Variants in GLT1D1 observed in about 807,000 individuals in gnomAD.
GLT1D1 encodes glycosyltransferase 1 domain-containing protein 1.
A neutral mutation model predicts 28.7 loss-of-function variants in GLT1D1; 21 were observed. The observed-to-expected ratio is 0.73, with a 90% CI of 0.52 to 1.05. GLT1D1 has a LOEUF of 1.05. Ranked by LOEUF, GLT1D1 falls within the 50% of genes least tolerant of loss-of-function variation. The pLI is 0.00. For synonymous variants in GLT1D1, 147 were observed against 124.8 expected (o/e 1.18, Z -1.19); for missense variants, 343 against 330.6 (o/e 1.04, Z -0.29).
chr12:128,922,687 A>T (rs907910372), intron 4 of GLT1D1, among the ~76,000 whole-genome samples: 1 of 152,096 alleles, frequency 6.6e-6, no homozygotes, highest in African/African-American at 2.4e-5. Flanking sequence ...TTTTGGGAGG[A>T]TGAAGCCAGT....
chr12:128,857,527 C>G (rs1956251627), intron 1 of GLT1D1, among the ~76,000 whole-genome samples: 1 of 152,120 alleles, frequency 6.6e-6, no homozygotes, highest in Non-Finnish European at 1.5e-5. Context: ...AAAGCTTAGT[C>G]TCCTTGAGGA....
intron 6 of GLT1D1, among the ~76,000 whole-genome samples, chr12:128,948,815 TGAC>T (rs1876394080): frequency 6.6e-6 from 1 of 152,200 alleles, no homozygotes; most frequent in Non-Finnish European, 1.5e-5. Context: ...AAGAAATGAC[TGAC>T]GTTGTATGCA....
At chr12:128,886,994 A>G (rs904271289) in intron 2 of GLT1D1, among the ~76,000 whole-genome samples, 1 of 151,616 alleles carries the variant, frequency 6.6e-6, no homozygotes, top group African/African-American at 2.4e-5. Flanking sequence ...AGTGAAAAGT[A>G]AGTCTCACTC....
At chr12:128,892,778 T>C (rs1248237173) in intron 3 of GLT1D1, among the ~76,000 whole-genome samples, 3 of 152,056 alleles carry the variant, frequency 2.0e-5, no homozygotes, top group Non-Finnish European at 4.4e-5. Flanking sequence ...GTATTTAAAT[T>C]TTTTTTCTAT....
chr12:128,863,275 C>T (rs888897741), intron 1 of GLT1D1, among the ~76,000 whole-genome samples: 1 of 152,234 alleles, frequency 6.6e-6, no homozygotes, highest in Admixed American at 6.5e-5. Context: ...GATTCATCTT[C>T]GCCCCTCTGT....
Position 128,865,396 on chromosome 12 carries a change from A to G in GLT1D1, c.69-10518A>G, listed in dbSNP as rs549603789. On this transcript the variant is annotated intron_variant, in intron 1 of 7. Coordinates refer to ENST00000281703, the MANE Select transcript of GLT1D1 (RefSeq NM_144669.3). Reference sequence around the variant, plus strand: ...ATGTGATGTTTTGGACTATGAATACATTGTGGAATGATTATATCACGGTAA... The same window carrying G: ...ATGTGATGTTTTGGACTATGAATACGTTGTGGAATGATTATATCACGGTAA... 6.6e-4 allele frequency among the ~76,000 whole-genome samples: 101 copies of G among 152,330 alleles called. 1 individual carries two copies. The South Asian group carries it at 0.013, about 20-fold the overall frequency.
At chr12:128,980,880 C>T (rs558501548) in intron 7 of GLT1D1, among the ~76,000 whole-genome samples, 2 of 152,324 alleles carry the variant, frequency 1.3e-5, no homozygotes, top group East Asian at 1.9e-4. Context: ...AGTGTCATAT[C>T]GCAAAGAGAT....
At chr12:128,948,647 C>T (rs1047606650) in intron 6 of GLT1D1, among the ~76,000 whole-genome samples, 10 of 152,162 alleles carry the variant, frequency 6.6e-5, no homozygotes, top group African/African-American at 2.2e-4. Context: ...CTTAGGTTCA[C>T]GCTGTTACTT....
At chr12:128,867,865 T>C (rs1303000784) in intron 1 of GLT1D1, among the ~76,000 whole-genome samples, 1 of 152,148 alleles carries the variant, frequency 6.6e-6, no homozygotes, top group African/African-American at 2.4e-5. Context: ...GTCAATGGTC[T>C]GGAATTCCGA....
rs1235415302 is a variant in GLT1D1 at position 128,873,981 on chromosome 12, C to CTCCT, written c.69-1918_69-1915dup. Among the ~76,000 whole-genome samples the CTCCT allele has an allele frequency of 1.7e-3, 220 of 130,486 alleles. 4 individuals are homozygous for CTCCT. Among genetic ancestry groups the CTCCT allele is most frequent in the African/African-American group, 6.3e-3 (208 of 32,848 alleles). The allele number at this position is 130,486 out of a possible 152,430, so 85.6% of individuals were successfully genotyped here. A position where few individuals can be genotyped will look rare whatever the true frequency, so the allele number is the denominator to read the frequency against. On this transcript the variant is annotated intron_variant, in intron 1 of 7. Transcript: ENST00000281703. ...TGTTTCTGTCTTTTTCTTTTCTTTT[C>CTCCT]TCCTTCCTTCCTTCCTTCTTCCCTT...
chr12:128,982,939 A>G lies in GLT1D1; in HGVS notation c.650A>G (p.His217Arg), dbSNP rs1188367693. 1.2e-6 allele frequency: 2 copies of G among 1,614,098 alleles called. No homozygotes were observed. The highest frequency in any genetic ancestry group is 1.7e-5 in the Admixed American group (1 of 60,014). ...CTTCCTTTTTTGCAGGAGTTTGTTC[A>G]TCTGGCAAAGAGACTGGTTAGTGAT... is the stretch of plus-strand genomic sequence containing the variant. Residue 217 changes from histidine (H) to arginine (R), a missense_variant, in exon 8 of 8, where the codon CAT (histidine) becomes CGT (arginine). His to Arg is a conservative substitution (Grantham distance 29, BLOSUM62 0). Transcript: ENST00000281703.
intron 4 of GLT1D1, among the ~76,000 whole-genome samples, chr12:128,941,569 C>CTTTTTTTT (rs550204231): frequency 2.0e-4 from 22 of 107,548 alleles, no homozygotes; most frequent in African/African-American, 4.4e-4. Flanking sequence ...CTCTCTTTCT[C>CTTTTTTTT]TTTTTTTTTT....
rs936930408 is a variant in GLT1D1 at position 128,946,118 on chromosome 12, C to T, written c.419+749C>T. Among the ~76,000 whole-genome samples the T allele has an allele frequency of 7.9e-5, 12 of 152,052 alleles. No individual in the cohort carries two copies. In the East Asian group the frequency reaches 1.2e-3, roughly 15 times the overall value. ...TTTAGATTGCTCCTAGGTGCAGACG[C>T]GTGTGTGCAAAAGTATCACCTGCTC... On this transcript the variant is annotated intron_variant, in intron 5 of 7. Coordinates refer to ENST00000281703, the MANE Select transcript of GLT1D1 (RefSeq NM_144669.3).
At chr12:128,864,390 A>G (rs375815201) in intron 1 of GLT1D1, among the ~76,000 whole-genome samples, 30 of 152,022 alleles carry the variant, frequency 2.0e-4, no homozygotes, top group East Asian at 9.7e-4. Flanking sequence ...GAAGAAGAGG[A>G]ATTTCCCAAG....
intron 4 of GLT1D1, among the ~76,000 whole-genome samples, chr12:128,937,318 G>GA (rs1874665022): frequency 6.6e-6 from 1 of 152,090 alleles, no homozygotes; most frequent in South Asian, 2.1e-4. Flanking sequence ...GGGTCTGCTG[G>GA]AAATCATTCT....
intron 2 of GLT1D1, among the ~76,000 whole-genome samples, chr12:128,883,904 T>C (rs1318003169): frequency 1.3e-5 from 2 of 152,160 alleles, no homozygotes; most frequent in Admixed American, 1.3e-4. Context: ...ATACATGGCA[T>C]GACATAGAAG....
intron 3 of GLT1D1, among the ~76,000 whole-genome samples, chr12:128,894,236 A>C (rs1469219861): frequency 1.3e-5 from 2 of 152,048 alleles, no homozygotes; most frequent in Non-Finnish European, 2.9e-5. Flanking sequence ...TTTTCCCTTC[A>C]GTAGGGGACC....
At chr12:128,920,305 G>A (rs1388674536) in intron 4 of GLT1D1, among the ~76,000 whole-genome samples, 2 of 152,078 alleles carry the variant, frequency 1.3e-5, no homozygotes, top group African/African-American at 2.4e-5. Context: ...CCAGCACTTC[G>A]GGAGGCCGGA....
chr12:128,862,891 T>C (rs1444298281), intron 1 of GLT1D1, among the ~76,000 whole-genome samples: 2 of 152,170 alleles, frequency 1.3e-5, no homozygotes, highest in Non-Finnish European at 2.9e-5. Flanking sequence ...CAAACATTTG[T>C]CTGATTGTGA....
Sources: gnomAD v4.1 joint callset for allele counts (sites outside exome capture counted in the v4.1 genomes callset) on GRCh38, gnomAD v4.1.1 for gene constraint, MANE v1.5 for transcripts, NCBI Gene and HGNC (gene_info 2026-07-23, HGNC 2026-07-21) for gene names.